Variants in NBEAL1 observed in about 807,000 individuals in gnomAD.
NBEAL1 encodes the protein neurobeachin like 1.
In NBEAL1, 273 loss-of-function variants were observed where a neutral mutation model predicts 351.3. That is an observed-to-expected ratio of 0.78 (90% confidence interval 0.70 to 0.86). NBEAL1 has a LOEUF of 0.86. Among genes scored for constraint, NBEAL1 ranks in the 40% least tolerant of loss-of-function variants. NBEAL1 has a pLI of 0.00. For missense variants in NBEAL1, 2,961 were observed against 3,201.3 expected, an observed-to-expected ratio of 0.92 and a Z score of 1.81; for synonymous variants, 1,050 against 1,086.4, an observed-to-expected ratio of 0.97 and a Z score of 0.66.
Position 203,178,053 on chromosome 2 carries a change from G to T in NBEAL1, c.6465-2329G>T, listed in dbSNP as rs2064573385. Among the ~76,000 whole-genome samples, 3 of 150,144 alleles carry T rather than the reference G, an allele frequency of 2.0e-5. No homozygotes were observed. The South Asian group carries it at 6.3e-4, about 31-fold the overall frequency. ...AAATAAAAAAGTTAAATATAGAATT[G>T]CTGTATAACCTAGAAATTCCACTTC... On this transcript the variant is annotated intron_variant, in intron 42 of 55. Coordinates refer to ENST00000683969, the MANE Select transcript of NBEAL1 (RefSeq NM_001378026.1).
chr2:203,152,005 T>G (rs535714532), intron 35 of NBEAL1, among the ~76,000 whole-genome samples: 1 of 152,210 alleles, frequency 6.6e-6, no homozygotes, highest in Non-Finnish European at 1.5e-5. Flanking sequence ...TCGCCCAGGC[T>G]GAAGTGTAGT....
At chr2:203,020,009 A>C (rs993110828) in intron 2 of NBEAL1, among the ~76,000 whole-genome samples, 28 of 149,720 alleles carry the variant, frequency 1.9e-4, no homozygotes, top group Non-Finnish European at 3.3e-4. Context: ...TTTATCTGAT[A>C]ATTTTAATTG....
chr2:203,159,856 G>A (rs1490977934), intron 36 of NBEAL1, among the ~76,000 whole-genome samples: 1 of 151,772 alleles, frequency 6.6e-6, no homozygotes, highest in Non-Finnish European at 1.5e-5. Flanking sequence ...TCACCAGCAA[G>A]GTATGAGTGT....
chr2:203,180,954 T>TTTTTTTTTTTTTTTG (rs2064698755), intron 43 of NBEAL1: 2 of 147,940 alleles, frequency 1.4e-5, no homozygotes, highest in Admixed American at 7.1e-5. Flanking sequence ...TTTTTTTTTT[T>TTTTTTTTTTTTTTTG]TGAGACAGGG....
chr2:203,102,358 T>C (rs745573059), intron 12 of NBEAL1, among the ~76,000 whole-genome samples: 2 of 152,112 alleles, frequency 1.3e-5, no homozygotes, highest in Non-Finnish European at 2.9e-5. Flanking sequence ...TGAATGGGAG[T>C]AGTGAGAGAG....
chr2:203,130,377 G>T lies in NBEAL1; in HGVS notation c.3465G>T (p.Gln1155His). Residue 1155 changes from glutamine to histidine, a missense_variant, in exon 25 of 56, where the codon CAG becomes CAT. Transcript: ENST00000683969. ...SLLRTSPTRGQLFLLLFEPGN... is the reference protein window; with the variant it reads ...SLLRTSPTRGHLFLLLFEPGN... ...TACGTACCAGCCCAACCAGAGGTCA[G>T]CTTTTCTTACTGCTTTTTGAACCAG... 2.0e-6 allele frequency: 3 copies of T among 1,533,672 alleles called. No homozygotes were observed. Among genetic ancestry groups the T allele is most frequent in the Non-Finnish European group, 2.6e-6 (3 of 1,140,620 alleles).
At chr2:203,070,480 C>T (rs2061664089) in intron 7 of NBEAL1, among the ~76,000 whole-genome samples, 1 of 151,506 alleles carries the variant, frequency 6.6e-6, no homozygotes, top group Non-Finnish European at 1.5e-5. Flanking sequence ...TTTCTTGCCT[C>T]AGCCTCCTGA....
chr2:203,061,118 A>T (rs2061492112), intron 6 of NBEAL1, among the ~76,000 whole-genome samples: 1 of 152,234 alleles, frequency 6.6e-6, no homozygotes, highest in Non-Finnish European at 1.5e-5. Context: ...TTTCAAGGAA[A>T]AATGGAAAAA....
At chr2:203,105,809 T>C (rs990204134) in intron 12 of NBEAL1, among the ~76,000 whole-genome samples, 4 of 152,224 alleles carry the variant, frequency 2.6e-5, no homozygotes, top group Admixed American at 2.6e-4. Context: ...ATTTACAGTG[T>C]TGGCAAAGAA....
intron 10 of NBEAL1, among the ~76,000 whole-genome samples, chr2:203,087,090 CTTTTTT>C (rs1003638123): frequency 1.7e-5 from 2 of 121,062 alleles, no homozygotes; most frequent in Non-Finnish European, 3.5e-5. Context: ...CTTTTTCACT[CTTTTTT>C]TTTTTTTTTT....
At chr2:203,142,139 G>A (rs2063398535) in intron 31 of NBEAL1, among the ~76,000 whole-genome samples, 1 of 152,074 alleles carries the variant, frequency 6.6e-6, no homozygotes. Context: ...TCAGAATGGG[G>A]TGAGACTAGG....
chr2:203,138,585 T>A (rs375443871), intron 30 of NBEAL1, 35 bp from the exon 31 acceptor site: 1 of 1,551,886 alleles, frequency 6.4e-7, no homozygotes, highest in South Asian at 1.2e-5. Flanking sequence ...AAAAACTGAA[T>A]GTTTTTATTT....
At chr2:203,082,669 TAG>T (rs2061893663) in intron 8 of NBEAL1, among the ~76,000 whole-genome samples, 3 of 152,222 alleles carry the variant, frequency 2.0e-5, no homozygotes, top group Admixed American at 1.3e-4. Context: ...CTGAAAACCT[TAG>T]AGAGACTTAA....
At chr2:203,084,277 A>G (rs549471869) in intron 9 of NBEAL1, among the ~76,000 whole-genome samples, 186 bp from the exon 10 acceptor site, 12 of 152,238 alleles carry the variant, frequency 7.9e-5, no homozygotes, top group Non-Finnish European at 1.6e-4. Flanking sequence ...ACGAACATTA[A>G]TTGTTTGGTG....
intron 2 of NBEAL1, among the ~76,000 whole-genome samples, chr2:203,022,460 A>G (rs932545923): frequency 6.6e-6 from 1 of 152,140 alleles, no homozygotes; most frequent in East Asian, 1.9e-4. Flanking sequence ...TAGAGGTGAT[A>G]TTTAGTCCCA....
chr2:203,138,418 T>G (rs2063277615), intron 30 of NBEAL1, 103 bp downstream of exon 30: 1 of 1,151,996 alleles, frequency 8.7e-7, no homozygotes, highest in Admixed American at 2.6e-5. Context: ...CTTAATCAGA[T>G]TCAATAAACA....
chr2:203,138,614 T>C lies in NBEAL1; in HGVS notation c.4720-6T>C, dbSNP rs748162153. 37 of 1,573,174 alleles carry C rather than the reference T, an allele frequency of 2.4e-5. 1 individual carries two copies. In the South Asian group the frequency reaches 4.3e-4, roughly 18 times the overall value. ...TTTATTTCTCAATTTTTTTCCTTTGTGATAGCTTTTAGAGGATATGATGCT... is the reference window on the plus strand; with the variant it reads ...TTTATTTCTCAATTTTTTTCCTTTGCGATAGCTTTTAGAGGATATGATGCT... On this transcript the variant is annotated splice_region_variant and splice_polypyrimidine_tract_variant and intron_variant, in intron 30 of 55. Coordinates refer to ENST00000683969, the MANE Select transcript of NBEAL1 (RefSeq NM_001378026.1).
intron 17 of NBEAL1, among the ~76,000 whole-genome samples, chr2:203,115,687 C>T (rs2062677845): frequency 2.0e-5 from 3 of 152,096 alleles, no homozygotes; most frequent in Non-Finnish European, 2.9e-5. Context: ...GCTTCAGCCT[C>T]CCAAAGTGCT....
intron 14 of NBEAL1, among the ~76,000 whole-genome samples, chr2:203,109,001 C>T (rs1393264500): frequency 6.6e-6 from 1 of 151,898 alleles, no homozygotes; most frequent in African/African-American, 2.4e-5. Context: ...GTGATTGCAC[C>T]ACTGCACTTC....
Sources: gnomAD v4.1 joint callset for allele counts (sites outside exome capture counted in the v4.1 genomes callset) on GRCh38, gnomAD v4.1.1 for gene constraint, MANE v1.5 for transcripts, NCBI Gene and HGNC (gene_info 2026-07-23, HGNC 2026-07-21) for gene names.